IMPDH1: variants seen among roughly 807,000 people sequenced by gnomAD.
IMPDH1 encodes the protein inosine-5'-monophosphate dehydrogenase 1.
Under a neutral mutation model 73.5 loss-of-function variants are expected in IMPDH1, and 41 were observed. The observed-to-expected ratio is 0.56, with a 90% CI of 0.43 to 0.72. The LOEUF is 0.72. Among genes scored for constraint, IMPDH1 ranks in the 30% least tolerant of loss-of-function variants. The pLI, the probability that IMPDH1 is intolerant of heterozygous loss-of-function variation, is 0.00. For missense variants in IMPDH1, 645 were observed against 824.8 expected (o/e 0.78, Z 2.67); for synonymous variants, 318 against 334.3 (o/e 0.95, Z 0.53).
rs1267992989 is a variant in IMPDH1 at position 128,396,956 on chromosome 7, G to A, written c.1141C>T (p.His381Tyr). ...MVHYIKQKYP[H>Y]LQVIGGNVVT... The stretch of plus-strand genomic sequence containing the variant: ...CCGTTCCCCCCAATCACCTGGAGGT[G>A]GGGGTACTTCTGTTTGATGTAATGC... Residue 381 changes from histidine (H) to tyrosine (Y), a missense_variant, in exon 11 of 17, where the codon CAC becomes TAC. Transcript: ENST00000338791. The surrounding 1 kb of genome is among the most constrained non-coding windows in gnomAD (Gnocchi z 4.0). 8 of 1,613,540 alleles carry A rather than the reference G, an allele frequency of 5.0e-6. No homozygotes were observed. The highest frequency in any genetic ancestry group is 5.1e-6 in the Non-Finnish European group (6 of 1,179,630).
intron 3 of IMPDH1, 137 bp from the exon 4 acceptor site, chr7:128,406,002 G>C: frequency 1.8e-6 from 1 of 564,866 alleles, no homozygotes; most frequent in Non-Finnish European, 2.2e-6. Flanking sequence ...GGGCGGGGGC[G>C]GGGGCTGCGG....
intron 10 of IMPDH1, among the ~76,000 whole-genome samples, chr7:128,397,988 T>C (rs1584726367): frequency 6.6e-6 from 1 of 152,190 alleles, no homozygotes; most frequent in Non-Finnish European, 1.5e-5. Context: ...CATGCAGTAT[T>C]TGGTTTTCTG....
chr7:128,409,934 T>C lies in IMPDH1; in HGVS notation c.-33A>G. 1 of 1,331,836 alleles carries C rather than the reference T, an allele frequency of 7.5e-7. No homozygotes were observed. Among genetic ancestry groups the C allele is most frequent in the South Asian group, 2.0e-5 (1 of 50,342 alleles). 82.5% of individuals were successfully genotyped at this position (1,331,836 alleles called of 1,614,324 possible). Reference sequence around the variant, plus strand: ...CCGCAGCTCAGGGCGGGCGGGAGCCTGGAGGCTCCCGGGGCCCCGGCTGGG... The same window carrying C: ...CCGCAGCTCAGGGCGGGCGGGAGCCCGGAGGCTCCCGGGGCCCCGGCTGGG... On this transcript the variant is annotated 5_prime_UTR_variant, in exon 1 of 17. Transcript: ENST00000338791.
chr7:128,408,378 G>A (rs1451364056), intron 3 of IMPDH1, among the ~76,000 whole-genome samples: 2 of 152,196 alleles, frequency 1.3e-5, no homozygotes, highest in African/African-American at 4.8e-5. Flanking sequence ...CGGGGGCATA[G>A]CCTGTCCAAG....
rs555615171 is a variant in IMPDH1, at chr7:128,395,337, G to A, written c.1262-63C>T. The A allele has an allele frequency of 5.7e-6, 9 of 1,591,416 alleles. No individual in the cohort carries two copies. In the Admixed American group the frequency reaches 1.5e-4, roughly 27 times the overall value. ...AACAGCAACTCCGGGGCCTGGAGCG[G>A]GGCCAGCCCAGCTCTTCCTCCTGTG... On this transcript the variant is annotated intron_variant, in intron 12 of 16. Coordinates refer to ENST00000338791, the MANE Select transcript of IMPDH1 (RefSeq NM_000883.4).
At chr7:128,403,332 C>T (rs1306658653) in intron 5 of IMPDH1, among the ~76,000 whole-genome samples, 5 of 152,142 alleles carry the variant, frequency 3.3e-5, no homozygotes, top group Non-Finnish European at 7.4e-5. Context: ...CTGAGGCGGA[C>T]GGATCACTTG....
chr7:128,409,976 G>A lies in IMPDH1; in HGVS notation c.-75C>T, dbSNP rs1202244358. 2 of 1,253,986 alleles carry A rather than the reference G, an allele frequency of 1.6e-6. No homozygotes were observed. Among genetic ancestry groups the A allele is most frequent in the East Asian group, 3.2e-5 (1 of 31,170 alleles). The allele number at this position is 1,253,986 out of a possible 1,614,324, so 77.7% of individuals were successfully genotyped here. A position where few individuals can be genotyped will look rare whatever the true frequency, so the allele number is the denominator to read the frequency against. On this transcript the variant is annotated 5_prime_UTR_variant, in exon 1 of 17. Coordinates refer to ENST00000338791, the MANE Select transcript of IMPDH1 (RefSeq NM_000883.4). The stretch of plus-strand genomic sequence containing the variant: ...CCGGCTGGGCAGTGAGCGCAGCCCG[G>A]TCGAGTCCCGAGGAGGGGCGGGGCC...
At chr7:128,393,304 T>A (rs1797664107) in intron 16 of IMPDH1, among the ~76,000 whole-genome samples, 1 of 152,138 alleles carries the variant, frequency 6.6e-6, no homozygotes, top group Non-Finnish European at 1.5e-5. Flanking sequence ...GTGCCCAGGG[T>A]GGAGGGACAG....
chr7:128,403,528 A>G (rs1348430599), intron 5 of IMPDH1, among the ~76,000 whole-genome samples, 178 bp downstream of exon 5: 2 of 149,948 alleles, frequency 1.3e-5, no homozygotes, highest in Non-Finnish European at 3.0e-5. Flanking sequence ...ACTGCACTCC[A>G]GCCTGTGTGA....
chr7:128,405,947 ACGCCGCGCCGCGGCCACGCTGCTGC>A, intron 3 of IMPDH1, 82 bp from the exon 4 acceptor site: 1 of 1,270,080 alleles, frequency 7.9e-7, no homozygotes, highest in African/African-American at 1.6e-5. Context: ...GCTACTGCTG[ACGCCGCGCCGCGGCCACGCTGCTGC>A]CGCGGGCCGG....
At chr7:128,407,449 G>A (rs1798850070) in intron 3 of IMPDH1, among the ~76,000 whole-genome samples, 1 of 152,178 alleles carries the variant, frequency 6.6e-6, no homozygotes. Context: ...CTCATGCAGG[G>A]AGCCCGGGCC....
chr7:128,394,054 G>C lies in IMPDH1; in HGVS notation c.1778+224C>G, dbSNP rs190055725. Reference sequence around the variant, plus strand: ...GCCACACCTCCTGTGCCCTGCTCGGGAGAGGCCCGAGGGGAGGGGAGGGCC... The same window carrying C: ...GCCACACCTCCTGTGCCCTGCTCGGCAGAGGCCCGAGGGGAGGGGAGGGCC... On this transcript the variant is annotated intron_variant, in intron 16 of 16. Transcript: ENST00000338791. This position sits in a 1 kb window ranked among gnomAD's most constrained non-coding sequence, Gnocchi z 5.5. Among the ~76,000 whole-genome samples, 605 of 152,304 alleles carry C rather than the reference G, an allele frequency of 4.0e-3. 1 individual carries two copies. Among genetic ancestry groups the C allele is most frequent in the Non-Finnish European group, 6.3e-3 (429 of 68,018 alleles).
chr7:128,397,135 C>T (rs902754486), intron 10 of IMPDH1, 113 bp from the exon 11 acceptor site: 11 of 701,776 alleles, frequency 1.6e-5, no homozygotes, highest in Non-Finnish European at 2.8e-5. Flanking sequence ...TATGAGAATG[C>T]TCTTTCCTTC....
rs2288552 is a variant in IMPDH1, at chr7:128,409,536, C to A, written c.147-52G>T. The stretch of plus-strand genomic sequence containing the variant: ...ACCTGTTCCCTCTCCTCCGCTCCCC[C>A]GTGCAACGAAGCACCTAACCCTTCG... On this transcript the variant is annotated intron_variant, in intron 1 of 16. Coordinates refer to ENST00000338791, the MANE Select transcript of IMPDH1 (RefSeq NM_000883.4). 0.04 allele frequency: 63,379 copies of A among 1,602,978 alleles called. 2,472 individuals are homozygous for A. Among genetic ancestry groups the A allele is most frequent in the East Asian group, 0.18 (8,239 of 44,832 alleles).
intron 4 of IMPDH1, among the ~76,000 whole-genome samples, chr7:128,404,120 G>A (rs998576184): frequency 6.6e-6 from 1 of 152,220 alleles, no homozygotes; most frequent in Admixed American, 6.5e-5. Context: ...AATCTTGATG[G>A]GGAGAGAAAA....
intron 8 of IMPDH1, 53 bp from the exon 9 acceptor site, chr7:128,400,235 C>A (rs1260831116): frequency 6.2e-7 from 1 of 1,608,770 alleles, no homozygotes; most frequent in East Asian, 2.2e-5. Context: ...GAGAAGGAGC[C>A]AGGCCTCCCT....
At chr7:128,393,385 G>C (rs976925141) in intron 16 of IMPDH1, among the ~76,000 whole-genome samples, 2 of 152,202 alleles carry the variant, frequency 1.3e-5, no homozygotes, top group Non-Finnish European at 2.9e-5. Flanking sequence ...GCCCATGTCC[G>C]CACCCAGCCC....
At chr7:128,401,367 C>T (rs1000573868) in intron 5 of IMPDH1, among the ~76,000 whole-genome samples, 1 of 152,222 alleles carries the variant, frequency 6.6e-6, no homozygotes, top group Admixed American at 6.5e-5. Flanking sequence ...CAAGCGACCA[C>T]TGGCAACAAG....
At position 128,394,920 on chromosome 7, in the gene IMPDH1, T is replaced by C. The variant is rs1330738487; in HGVS notation, c.1519A>G (p.Lys507Glu). The stretch of plus-strand genomic sequence containing the variant: ...TATCGTTTCTGGCTGCTGCTGCTCT[T>C]CTCCATGGCATCCAGTGAGCCCATG... ...RGMGSLDAMEKSSSSQKRYFS... is the reference protein window; with the variant it reads ...RGMGSLDAMEESSSSQKRYFS... The change falls in exon 14 of 17, where the codon AAG becomes GAG. Residue 507 changes from lysine to glutamate, a missense_variant. Around this residue, in one of 2 missense-constraint regions of IMPDH1, gnomAD observed 459 missense variants for 638.2 expected, o/e 0.72. Coordinates refer to ENST00000338791, the MANE Select transcript of IMPDH1 (RefSeq NM_000883.4). This position sits in a 1 kb window ranked among gnomAD's most constrained non-coding sequence, Gnocchi z 5.5. 5 of 1,612,924 alleles carry C rather than the reference T, an allele frequency of 3.1e-6. No individual in the cohort carries two copies. Among genetic ancestry groups the C allele is most frequent in the Non-Finnish European group, 4.2e-6 (5 of 1,180,006 alleles).
Sources: gnomAD v4.1 joint callset for allele counts (sites outside exome capture counted in the v4.1 genomes callset) on GRCh38, gnomAD v4.1.1 for gene constraint, gnomAD v4.1.1 regional missense constraint, Gnocchi (gnomAD v3.1) non-coding constraint, MANE v1.5 for transcripts, NCBI Gene and HGNC (gene_info 2026-07-23, HGNC 2026-07-21) for gene names.